The following SLC5A11 variants were observed in gnomAD, a reference collection of about 807,000 sequenced individuals.
The protein encoded by SLC5A11 is sodium/myo-inositol cotransporter 2.
In SLC5A11, 48 loss-of-function variants were observed where a neutral mutation model predicts 69.8. That is an observed-to-expected ratio of 0.69 (90% CI 0.55 to 0.87). The LOEUF (loss-of-function observed/expected upper bound fraction) is 0.87. Ranked by LOEUF, SLC5A11 falls within the 40% of genes least tolerant of loss-of-function variation. The pLI, the probability that SLC5A11 is intolerant of heterozygous loss-of-function variation, is 0.00. For synonymous variants in SLC5A11, 319 were observed against 342.4 expected (o/e 0.93, Z 0.75); for missense variants, 784 against 866.1 (o/e 0.91, Z 1.19).
At chr16:24,896,737 G>T (rs961536426) in intron 9 of SLC5A11, among the ~76,000 whole-genome samples, 2 of 152,052 alleles carry the variant, frequency 1.3e-5, no homozygotes, top group African/African-American at 4.8e-5. Flanking sequence ...AAGTGGGGAG[G>T]TAGTATTTGA....
intron 1 of SLC5A11, among the ~76,000 whole-genome samples, chr16:24,849,572 C>CAAAAAAAAAAAAAAAAAAAAAAAAAAA (rs1182615959): frequency 2.6e-5 from 1 of 38,482 alleles, no homozygotes; most frequent in Non-Finnish European, 4.4e-5. Context: ...GCCTTGGGGG[C>CAAAAAAAAAAAAAAAAAAAAAAAAAAA]AAAAAAAAAA....
chr16:24,858,764 G>A (rs770868773), exon 2 of SLC5A11: 2 of 1,611,716 alleles, frequency 1.2e-6, no homozygotes, highest in Admixed American at 1.7e-5. Flanking sequence ...CTTTGTCCTG[G>A]CTGTTGGACT....
At chr16:24,859,865 C>T (rs2059687005) in intron 2 of SLC5A11, among the ~76,000 whole-genome samples, 1 of 152,168 alleles carries the variant, frequency 6.6e-6, no homozygotes, top group African/African-American at 2.4e-5. Flanking sequence ...ATAAACAAAC[C>T]CTGGCCCAGC....
chr16:24,868,829 T>C (rs1015506026), intron 3 of SLC5A11, among the ~76,000 whole-genome samples: 2 of 151,298 alleles, frequency 1.3e-5, no homozygotes, highest in Non-Finnish European at 2.9e-5. Context: ...CTCCTCCTCC[T>C]CTTTTTCTTC....
At chr16:24,855,337 C>T (rs2059480185) in intron 1 of SLC5A11, among the ~76,000 whole-genome samples, 1 of 150,082 alleles carries the variant, frequency 6.7e-6, no homozygotes, top group Admixed American at 6.7e-5. Context: ...TGCGGTGGCT[C>T]ATGCTTATAA....
rs1019844505 is a variant in SLC5A11 at position 24,877,425 on chromosome 16, A to G, written c.583+62A>G. The stretch of plus-strand genomic sequence containing the variant: ...GTGGGCAGGGGCTGTGGGCCACTCT[A>G]CCTTCTCCTTGCCCATCTTCTGATG... On this transcript the variant is annotated intron_variant, in intron 7 of 15. Transcript: ENST00000347898. 1.9e-5 allele frequency: 23 copies of G among 1,242,130 alleles called. No individual in the cohort carries two copies. The African/African-American group carries it at 3.2e-4, about 18-fold the overall frequency. The allele number at this position is 1,242,130 out of a possible 1,614,324, so 76.9% of individuals were successfully genotyped here.
intron 1 of SLC5A11, among the ~76,000 whole-genome samples, chr16:24,853,477 A>C (rs966135697): frequency 2.0e-5 from 3 of 152,194 alleles, no homozygotes; most frequent in African/African-American, 7.2e-5. Flanking sequence ...CTGGTGACTA[A>C]TAAATGTTCC....
intron 1 of SLC5A11, among the ~76,000 whole-genome samples, chr16:24,850,006 C>T (rs1029899933): frequency 2.6e-5 from 4 of 152,088 alleles, no homozygotes; most frequent in African/African-American, 9.6e-5. Flanking sequence ...GGTGCAATCA[C>T]AGCTCACTAC....
At chr16:24,891,630 A>G (rs1490573026) in intron 9 of SLC5A11, among the ~76,000 whole-genome samples, 2 of 151,980 alleles carry the variant, frequency 1.3e-5, no homozygotes, top group East Asian at 1.9e-4. Context: ...GGCCTAATAC[A>G]CTTTGCTTAA....
At chr16:24,868,022 G>A (rs977035224) in intron 3 of SLC5A11, among the ~76,000 whole-genome samples, 6 of 151,340 alleles carry the variant, frequency 4.0e-5, no homozygotes, top group East Asian at 1.9e-4. Context: ...TTGTAATCCC[G>A]GCTACTCAGG....
chr16:24,889,828 G>A (rs1597200872), intron 8 of SLC5A11, among the ~76,000 whole-genome samples: 5 of 152,208 alleles, frequency 3.3e-5, no homozygotes, highest in Admixed American at 3.3e-4. Flanking sequence ...TATTACAGGT[G>A]TGAGCCACTG....
At chr16:24,896,058 TC>T (rs2049141306) in intron 9 of SLC5A11, among the ~76,000 whole-genome samples, 1 of 84,338 alleles carries the variant, frequency 1.2e-5, no homozygotes, top group African/African-American at 7.6e-5. Flanking sequence ...ATAAAAAGGC[TC>T]TTTTTTTTTT....
chr16:24,891,043 T>C, exon 9 of SLC5A11: 1 of 1,614,156 alleles, frequency 6.2e-7, no homozygotes, highest in Non-Finnish European at 8.5e-7. Context: ...GGAATGTCCA[T>C]CCCATCCCTC....
At position 24,910,292 on chromosome 16, in the gene SLC5A11, TC is replaced by T; in HGVS notation, c.1651-11del. On this transcript the variant is annotated splice_polypyrimidine_tract_variant and intron_variant, in intron 14 of 15. Coordinates refer to ENST00000347898, the Ensembl canonical transcript of SLC5A11. Reference sequence around the variant, plus strand: ...CCTCCACCACAAATCTCATCATTCATCCCTGCTCCTTAGGTCAGCCACCTGA... The same window carrying T: ...CCTCCACCACAAATCTCATCATTCATCCTGCTCCTTAGGTCAGCCACCTGA... 1.2e-6 allele frequency: 2 copies of T among 1,613,560 alleles called. No individual in the cohort carries two copies. The highest frequency in any genetic ancestry group is 1.7e-6 in the Non-Finnish European group (2 of 1,179,742).
chr16:24,883,750 A>C (rs1442680787), intron 7 of SLC5A11, among the ~76,000 whole-genome samples: 2 of 152,210 alleles, frequency 1.3e-5, no homozygotes, highest in Admixed American at 6.5e-5. Flanking sequence ...GTAAGTGCAG[A>C]AGCTGCAGGG....
chr16:24,848,305 G>C (rs529890412), intron 1 of SLC5A11, among the ~76,000 whole-genome samples: 2 of 152,248 alleles, frequency 1.3e-5, no homozygotes, highest in South Asian at 4.1e-4. Context: ...TTCCGTGTGA[G>C]GGGCGGATTA....
chr16:24,909,222 C>T, intron 14 of SLC5A11, 126 bp downstream of exon 15: 1 of 929,226 alleles, frequency 1.1e-6, no homozygotes, highest in South Asian at 1.7e-5. Flanking sequence ...GGTTGAGGTT[C>T]AGGGGCAGGA....
intron 9 of SLC5A11, among the ~76,000 whole-genome samples, chr16:24,895,699 G>C (rs2049114338): frequency 6.6e-6 from 1 of 152,114 alleles, no homozygotes; most frequent in Admixed American, 6.6e-5. Context: ...GCTGTGTCCA[G>C]TGGGCATGAG....
At chr16:24,907,630 C>T (rs977365470) in intron 12 of SLC5A11, among the ~76,000 whole-genome samples, 1 of 152,036 alleles carries the variant, frequency 6.6e-6, no homozygotes, top group Non-Finnish European at 1.5e-5. Flanking sequence ...ATCGTTTGAA[C>T]CCAGGAGGCA....
Sources: allele counts gnomAD v4.1 joint callset (sites outside exome capture counted in the v4.1 genomes callset), GRCh38; gene constraint gnomAD v4.1.1; transcripts MANE v1.5; gene names NCBI Gene and HGNC (gene_info 2026-07-23, HGNC 2026-07-21).